The following SORCS2 variants were observed in gnomAD, a reference collection of about 807,000 sequenced individuals.
SORCS2 encodes VPS10 domain-containing receptor SorCS2.
SORCS2 carries 100 observed loss-of-function variants against 141.6 expected under a neutral mutation model. That is an observed-to-expected ratio of 0.71 (90% CI 0.60 to 0.83). The LOEUF (loss-of-function observed/expected upper bound fraction) is 0.83, where lower values mean the gene tolerates loss of function less well. Among genes scored for constraint, SORCS2 ranks in the 40% least tolerant of loss-of-function variants. The pLI is 0.00. For synonymous variants in SORCS2, 789 were observed against 676.9 expected (o/e 1.17, Z -2.57); for missense variants, 1,646 against 1,560.2 (o/e 1.05, Z -0.93).
At chr4:7,434,674 T>C (rs1560282485) in intron 2 of SORCS2, 1 of 1,612,768 alleles carries the variant, frequency 6.2e-7, no homozygotes, top group African/African-American at 1.3e-5. Flanking sequence ...GGCTGCTATG[T>C]CCTGGCATAC....
At chr4:7,701,618 G>A (rs532892632) in intron 12 of SORCS2, among the ~76,000 whole-genome samples, 31 of 152,300 alleles carry the variant, frequency 2.0e-4, no homozygotes, top group African/African-American at 7.5e-4. Flanking sequence ...GGGTTGAGGA[G>A]CATGGGGGTC....
chr4:7,323,134 G>T (rs746386667), intron 1 of SORCS2, among the ~76,000 whole-genome samples: 14 of 152,184 alleles, frequency 9.2e-5, no homozygotes, highest in Non-Finnish European at 1.9e-4. Context: ...CGCCAGTTTT[G>T]CAAATGGCCT....
chr4:7,435,783 C>G (rs1264591218), intron 2 of SORCS2, among the ~76,000 whole-genome samples: 2 of 152,266 alleles, frequency 1.3e-5, no homozygotes, highest in Non-Finnish European at 2.9e-5. Context: ...CGCACAGGCG[C>G]CTTGCGTCGG....
At chr4:7,593,777 C>T (rs774807196) in intron 3 of SORCS2, among the ~76,000 whole-genome samples, 2 of 152,194 alleles carry the variant, frequency 1.3e-5, no homozygotes, top group Non-Finnish European at 2.9e-5. Flanking sequence ...CTGTAACTTA[C>T]TTTACAGAAA....
At chr4:7,625,984 T>C (rs1490414330) in intron 3 of SORCS2, among the ~76,000 whole-genome samples, 3 of 151,536 alleles carry the variant, frequency 2.0e-5, no homozygotes, top group Non-Finnish European at 4.4e-5. Flanking sequence ...ACAAAAAAAT[T>C]AAACAAAATT....
chr4:7,375,982 T>A (rs1030179284), intron 1 of SORCS2, among the ~76,000 whole-genome samples: 1 of 152,162 alleles, frequency 6.6e-6, no homozygotes, highest in Non-Finnish European at 1.5e-5. Flanking sequence ...TTAAATGAGG[T>A]GAATGCTTAT....
At chr4:7,604,620 G>A (rs73216625) in intron 3 of SORCS2, among the ~76,000 whole-genome samples, 25 of 152,334 alleles carry the variant, frequency 1.6e-4, no homozygotes, top group Admixed American at 3.3e-4. Context: ...TTTTAAAAGC[G>A]ATAGTTGTTC....
intron 3 of SORCS2, among the ~76,000 whole-genome samples, chr4:7,552,771 C>T (rs1055397641): frequency 6.6e-6 from 1 of 152,082 alleles, no homozygotes; most frequent in African/African-American, 2.4e-5. Flanking sequence ...ACTCCAGCAC[C>T]CCTGAGCTCT....
chr4:7,510,755 A>G (rs568831889), intron 2 of SORCS2, among the ~76,000 whole-genome samples: 7 of 56,410 alleles, frequency 1.2e-4, no homozygotes, highest in African/African-American at 4.7e-4. Flanking sequence ...TCGCCTTCCC[A>G]GATACCCGCA....
intron 3 of SORCS2, among the ~76,000 whole-genome samples, chr4:7,578,828 T>C (rs1321847804): frequency 6.6e-6 from 1 of 152,214 alleles, no homozygotes; most frequent in African/African-American, 2.4e-5. Context: ...GGAATTCTAC[T>C]CAATTTCATT....
chr4:7,682,174 C>A (rs1723562802), intron 9 of SORCS2, among the ~76,000 whole-genome samples: 1 of 152,126 alleles, frequency 6.6e-6, no homozygotes, highest in Non-Finnish European at 1.5e-5. Flanking sequence ...GAGAAAGGGA[C>A]CAGGTTAGCC....
chr4:7,381,147 G>C lies in SORCS2; in HGVS notation c.481-15141G>C, dbSNP rs185109527. ...AGCTTCATGATGTATCCTCCTGGTG[G>C]GTGATTCTGGTGCAGATGTTTGAAG... is the stretch of plus-strand genomic sequence containing the variant. On this transcript the variant is annotated intron_variant, in intron 1 of 26. Coordinates refer to ENST00000507866, the MANE Select transcript of SORCS2 (RefSeq NM_020777.3). 5.7e-4 allele frequency among the ~76,000 whole-genome samples: 87 copies of C among 152,108 alleles called. 1 individual carries two copies. The East Asian group carries it at 0.016, about 29-fold the overall frequency.
chr4:7,259,816 A>T (rs1714193474), intron 1 of SORCS2, among the ~76,000 whole-genome samples: 1 of 152,150 alleles, frequency 6.6e-6, no homozygotes, highest in African/African-American at 2.4e-5. Flanking sequence ...CTGAGAGGAG[A>T]AGTCGGCCCC....
chr4:7,633,382 C>T (rs1720024582), intron 3 of SORCS2, among the ~76,000 whole-genome samples: 1 of 152,170 alleles, frequency 6.6e-6, no homozygotes. Flanking sequence ...GCCTGAAGCC[C>T]CGTCCCCCAG....
chr4:7,675,161 C>T (rs78375690), intron 8 of SORCS2, among the ~76,000 whole-genome samples: 7,068 of 152,280 alleles, frequency 0.046, 547 homozygotes, highest in African/African-American at 0.16. Context: ...CCCAGTTTTC[C>T]TTTTTATTCT....
chr4:7,724,123 G>GATA (rs1284584882), intron 19 of SORCS2, among the ~76,000 whole-genome samples: 1 of 139,728 alleles, frequency 7.2e-6, no homozygotes, highest in African/African-American at 2.9e-5. Context: ...TGATGGTGGT[G>GATA]GTGGTGGTGG....
intron 1 of SORCS2, among the ~76,000 whole-genome samples, chr4:7,388,376 G>A (rs945305982): frequency 1.3e-5 from 2 of 152,218 alleles, no homozygotes; most frequent in African/African-American, 2.4e-5. Flanking sequence ...AGCCACCTGT[G>A]TTCTGGGACC....
chr4:7,241,274 G>T (rs776471366), intron 1 of SORCS2, among the ~76,000 whole-genome samples: 54 of 152,154 alleles, frequency 3.5e-4, no homozygotes, highest in Non-Finnish European at 4.0e-4. Context: ...GGCTTGGCTG[G>T]TGGGCAGAGG....
At chr4:7,474,768 G>T (rs1455020609) in intron 2 of SORCS2, among the ~76,000 whole-genome samples, 1 of 152,206 alleles carries the variant, frequency 6.6e-6, no homozygotes, top group African/African-American at 2.4e-5. Flanking sequence ...ATAAACGACT[G>T]CCAGCTGGGA....
Sources: allele counts gnomAD v4.1 joint callset (sites outside exome capture counted in the v4.1 genomes callset), GRCh38; gene constraint gnomAD v4.1.1; transcripts MANE v1.5; gene names NCBI Gene and HGNC (gene_info 2026-07-23, HGNC 2026-07-21).